The following AKAP7 variants were observed in gnomAD, a reference collection of about 807,000 sequenced individuals.
The protein encoded by AKAP7 is A-kinase anchoring protein 7, also known as A kinase (PRKA) anchor protein 7.
Under a neutral mutation model 39.5 loss-of-function variants are expected in AKAP7, and 39 were observed. The observed-to-expected ratio is 0.99, with a 90% CI of 0.76 to 1.29. The LOEUF (loss-of-function observed/expected upper bound fraction) is 1.29. Ranked by LOEUF, AKAP7 falls within the 50% of genes most tolerant of loss-of-function variation. The pLI, the probability that AKAP7 is intolerant of heterozygous loss-of-function variation, is 0.00. For missense variants in AKAP7, 414 were observed against 407.7 expected (o/e 1.02, Z -0.13); for synonymous variants, 140 against 139.1 (o/e 1.01, Z -0.05).
At chr6:131,245,169 G>C (rs1811894978) in intron 7 of AKAP7, among the ~76,000 whole-genome samples, 1 of 152,074 alleles carries the variant, frequency 6.6e-6, no homozygotes, top group Non-Finnish European at 1.5e-5. Flanking sequence ...CTACAAAGAT[G>C]CAGCAGTGGC....
At chr6:131,221,447 T>C (rs1183776928) in intron 7 of AKAP7, among the ~76,000 whole-genome samples, 1 of 152,230 alleles carries the variant, frequency 6.6e-6, no homozygotes, top group African/African-American at 2.4e-5. Context: ...CAGCCAGTTA[T>C]CCAGAAGATC....
At chr6:131,209,830 C>G (rs1221342695) in intron 6 of AKAP7, among the ~76,000 whole-genome samples, 1 of 151,946 alleles carries the variant, frequency 6.6e-6, no homozygotes, top group African/African-American at 2.4e-5. Flanking sequence ...ACTGGCAAGT[C>G]CCACAGTGGA....
chr6:131,174,945 G>C (rs532745569), intron 5 of AKAP7, among the ~76,000 whole-genome samples: 6 of 150,974 alleles, frequency 4.0e-5, no homozygotes, highest in Non-Finnish European at 8.9e-5. Context: ...TGTAACTTTC[G>C]ACTCCTCCAG....
intron 6 of AKAP7, among the ~76,000 whole-genome samples, chr6:131,216,323 TG>T (rs1809171633): frequency 6.6e-6 from 1 of 152,232 alleles, no homozygotes; most frequent in Non-Finnish European, 1.5e-5. Flanking sequence ...GAGCCCTCTT[TG>T]GTACATATTA....
intron 7 of AKAP7, among the ~76,000 whole-genome samples, chr6:131,234,200 G>T (rs1810845849): frequency 6.6e-6 from 1 of 152,040 alleles, no homozygotes; most frequent in Non-Finnish European, 1.5e-5. Flanking sequence ...TAATTTATTT[G>T]TGCAACTTAT....
chr6:131,255,164 A>G (rs1465020742), intron 7 of AKAP7, among the ~76,000 whole-genome samples: 2 of 152,164 alleles, frequency 1.3e-5, no homozygotes, highest in Admixed American at 6.5e-5. Flanking sequence ...TGTCTGCTCT[A>G]TCTTATCACA....
intron 5 of AKAP7, among the ~76,000 whole-genome samples, chr6:131,197,157 T>A (rs919893125): frequency 1.3e-5 from 2 of 152,140 alleles, no homozygotes; most frequent in Admixed American, 1.3e-4. Context: ...CTCATGTCTG[T>A]GTGTGTAATT....
chr6:131,251,224 G>C (rs1344380956), intron 7 of AKAP7, among the ~76,000 whole-genome samples: 1 of 152,180 alleles, frequency 6.6e-6, no homozygotes, highest in Admixed American at 6.5e-5. Context: ...GCCTAGAAAA[G>C]ACAACTTAAA....
chr6:131,138,053 C>T (rs373103463), intron 1 of AKAP7, among the ~76,000 whole-genome samples: 4 of 152,272 alleles, frequency 2.6e-5, no homozygotes, highest in African/African-American at 9.6e-5. Flanking sequence ...AACTGTTTCC[C>T]TATTTTTTTC....
intron 5 of AKAP7, among the ~76,000 whole-genome samples, chr6:131,181,011 G>C (rs1805172021): frequency 6.6e-6 from 1 of 150,746 alleles, no homozygotes; most frequent in South Asian, 2.2e-4. Context: ...GAGTGCAGTG[G>C]CACTGTCTCA....
At chr6:131,273,132 T>C (rs971071695) in intron 7 of AKAP7, among the ~76,000 whole-genome samples, 1 of 152,198 alleles carries the variant, frequency 6.6e-6, no homozygotes, top group Non-Finnish European at 1.5e-5. Context: ...TTGCCTGATA[T>C]TGATTCTTTA....
At chr6:131,279,033 G>A (rs1382523706) in intron 7 of AKAP7, among the ~76,000 whole-genome samples, 4 of 152,118 alleles carry the variant, frequency 2.6e-5, no homozygotes, top group African/African-American at 4.8e-5. Flanking sequence ...GCAGACAGAC[G>A]TTTCTCTGTA....
intron 5 of AKAP7, among the ~76,000 whole-genome samples, chr6:131,170,417 G>C (rs1483850163): frequency 2.0e-5 from 3 of 152,054 alleles, no homozygotes; most frequent in Non-Finnish European, 4.4e-5. Flanking sequence ...AGAAGCTAGT[G>C]CTTTGGTAGT....
intron 5 of AKAP7, among the ~76,000 whole-genome samples, chr6:131,195,782 A>G (rs543184477): frequency 1.3e-5 from 2 of 152,160 alleles, no homozygotes; most frequent in African/African-American, 4.8e-5. Context: ...CTCCTGGCCT[A>G]TAAAGTTTCC....
At chr6:131,250,911 G>A (rs924816964) in intron 7 of AKAP7, among the ~76,000 whole-genome samples, 1 of 152,144 alleles carries the variant, frequency 6.6e-6, no homozygotes, top group African/African-American at 2.4e-5. Context: ...TAGAGTCAGA[G>A]TTTAGTTTTG....
intron 6 of AKAP7, chr6:131,200,190 G>C (rs1057459632): frequency 1.3e-5 from 2 of 152,276 alleles, no homozygotes; most frequent in Non-Finnish European, 2.9e-5. Context: ...GACTTCCCCT[G>C]TCTCAGGGTG....
At chr6:131,205,841 GA>G (rs1448683080) in intron 6 of AKAP7, among the ~76,000 whole-genome samples, 8 of 152,270 alleles carry the variant, frequency 5.3e-5, no homozygotes, top group African/African-American at 1.7e-4. Context: ...TTCATCAAAT[GA>G]AACCTCAGAA....
intron 6 of AKAP7, among the ~76,000 whole-genome samples, chr6:131,202,877 T>C (rs1231614631): frequency 6.6e-6 from 1 of 152,126 alleles, no homozygotes; most frequent in African/African-American, 2.4e-5. Context: ...ACTATTATAG[T>C]GGTCAGTGTT....
intron 7 of AKAP7, among the ~76,000 whole-genome samples, chr6:131,255,624 G>A (rs1812779676): frequency 6.6e-6 from 1 of 152,168 alleles, no homozygotes; most frequent in Non-Finnish European, 1.5e-5. Flanking sequence ...AGTTCTTACT[G>A]TAGACAGAGC....
Sources: allele counts gnomAD v4.1 joint callset (sites outside exome capture counted in the v4.1 genomes callset), GRCh38; gene constraint gnomAD v4.1.1; transcripts MANE v1.5; gene names NCBI Gene and HGNC (gene_info 2026-07-23, HGNC 2026-07-21).